RIMS2: variants seen among roughly 807,000 people sequenced by gnomAD.
The protein encoded by RIMS2 is regulating synaptic membrane exocytosis protein 2.
Under a neutral mutation model 174.4 loss-of-function variants are expected in RIMS2, and 59 were observed. The observed-to-expected ratio is 0.34, with a 90% CI of 0.27 to 0.42. The LOEUF (loss-of-function observed/expected upper bound fraction) is 0.42. Among genes scored for constraint, RIMS2 ranks in the 10% least tolerant of loss-of-function variants. The pLI, the probability that RIMS2 is intolerant of heterozygous loss-of-function variation, is 1.00. For synonymous variants in RIMS2, 606 were observed against 572.5 expected (o/e 1.06, Z -0.84); for missense variants, 1,620 against 1,666.3 (o/e 0.97, Z 0.48).
At chr8:104,078,119 ACAAGAG>A (rs1253253563) in intron 19 of RIMS2, among the ~76,000 whole-genome samples, 1 of 151,818 alleles carries the variant, frequency 6.6e-6, no homozygotes, top group African/African-American at 2.4e-5. Flanking sequence ...AACCTGGGCA[ACAAGAG>A]CAAGACTCCA....
chr8:103,924,248 A>G (rs959023236), intron 10 of RIMS2, among the ~76,000 whole-genome samples: 3 of 151,808 alleles, frequency 2.0e-5, no homozygotes, highest in African/African-American at 4.8e-5. Flanking sequence ...TTAAACTCCA[A>G]TCATCTACTT....
chr8:104,253,295 G>A (rs969760855), downstream of RIMS2: 3 of 152,054 alleles, frequency 2.0e-5, no homozygotes, highest in African/African-American at 4.8e-5. Context: ...ATCATTTAAA[G>A]CAATTTCTTT....
At chr8:104,000,029 T>C (rs929943999) in intron 17 of RIMS2, among the ~76,000 whole-genome samples, 1 of 151,814 alleles carries the variant, frequency 6.6e-6, no homozygotes, top group African/African-American at 2.4e-5. Flanking sequence ...TACATGTATA[T>C]GTAATATTTA....
chr8:104,193,841 C>A (rs2099010316), intron 19 of RIMS2, among the ~76,000 whole-genome samples: 1 of 152,120 alleles, frequency 6.6e-6, no homozygotes, highest in African/African-American at 2.4e-5. Flanking sequence ...GGGTTTCTAT[C>A]TTTATCCTTT....
chr8:103,605,402 CA>C (rs1270168097), intron 1 of RIMS2, among the ~76,000 whole-genome samples: 1 of 141,936 alleles, frequency 7.0e-6, no homozygotes, highest in Non-Finnish European at 1.5e-5. Context: ...TTCGTTTTGC[CA>C]GTATTTTATT....
In RIMS2 at chr8:104,112,457, G is replaced by A. The variant is rs80070936; in HGVS notation, c.3334+97842G>A. Among the ~76,000 whole-genome samples, 163 of 151,768 alleles carry A rather than the reference G, an allele frequency of 1.1e-3. 1 individual carries two copies. In the East Asian group the frequency reaches 0.021, roughly 19 times the overall value. On this transcript the variant is annotated intron_variant, in intron 19 of 23. Coordinates refer to ENST00000504942, the Ensembl canonical transcript of RIMS2. ...ATATTTCTATATAATACCTACATAC[G>A]TATATGATATATACATACATACATG...
At chr8:103,925,532 T>C (rs1240238542) in intron 10 of RIMS2, among the ~76,000 whole-genome samples, 2 of 151,572 alleles carry the variant, frequency 1.3e-5, no homozygotes, top group Admixed American at 6.6e-5. Flanking sequence ...GTGCAATTAA[T>C]AGTGGAAAGT....
At chr8:104,167,941 GT>G (rs1464663664) in intron 19 of RIMS2, among the ~76,000 whole-genome samples, 1 of 152,004 alleles carries the variant, frequency 6.6e-6, no homozygotes, top group Non-Finnish European at 1.5e-5. Flanking sequence ...CCCAATTTAT[GT>G]TTTTGTTTGT....
At chr8:104,122,694 G>A (rs1163049855) in intron 19 of RIMS2, among the ~76,000 whole-genome samples, 1 of 152,124 alleles carries the variant, frequency 6.6e-6, no homozygotes, top group Non-Finnish European at 1.5e-5. Context: ...ACTTAATCTG[G>A]TGAAAGGAAA....
At chr8:103,844,340 T>C (rs2098956722) in intron 3 of RIMS2, among the ~76,000 whole-genome samples, 1 of 152,224 alleles carries the variant, frequency 6.6e-6, no homozygotes, top group South Asian at 2.1e-4. Flanking sequence ...TAGTCCCTTG[T>C]ATTTTGAAAA....
At chr8:103,781,225 T>C (rs1402450835) in intron 3 of RIMS2, among the ~76,000 whole-genome samples, 1 of 152,154 alleles carries the variant, frequency 6.6e-6, no homozygotes, top group East Asian at 1.9e-4. Context: ...TCCACACACT[T>C]CGTGGTGGGC....
chr8:103,823,287 T>G (rs777861479), intron 3 of RIMS2, among the ~76,000 whole-genome samples: 1 of 151,796 alleles, frequency 6.6e-6, no homozygotes, highest in Non-Finnish European at 1.5e-5. Context: ...TATTTAAAAG[T>G]AAGAAAAGAA....
At chr8:103,866,445 C>T (rs1383568649) in intron 3 of RIMS2, among the ~76,000 whole-genome samples, 1 of 152,142 alleles carries the variant, frequency 6.6e-6, no homozygotes. Flanking sequence ...CTTCCTGTCA[C>T]TGCACAGGTA....
chr8:103,769,502 T>G (rs767634684), intron 3 of RIMS2, among the ~76,000 whole-genome samples: 13 of 152,132 alleles, frequency 8.5e-5, no homozygotes, highest in Non-Finnish European at 1.9e-4. Flanking sequence ...TTTTTTGTAT[T>G]TTTAGTAGAG....
intron 3 of RIMS2, among the ~76,000 whole-genome samples, chr8:103,825,044 A>G (rs1254105027): frequency 6.6e-6 from 1 of 152,106 alleles, no homozygotes; most frequent in African/African-American, 2.4e-5. Flanking sequence ...TTGCTGTCCT[A>G]TGAGCTCCTT....
At chr8:103,833,449 G>A (rs1262272919) in intron 3 of RIMS2, among the ~76,000 whole-genome samples, 2 of 151,648 alleles carry the variant, frequency 1.3e-5, no homozygotes, top group Non-Finnish European at 2.9e-5. Flanking sequence ...TAATAAGTTC[G>A]GCCATTGTTG....
At chr8:103,755,235 T>C (rs926278061) in intron 2 of RIMS2, among the ~76,000 whole-genome samples, 1 of 152,214 alleles carries the variant, frequency 6.6e-6, no homozygotes, top group African/African-American at 2.4e-5. Flanking sequence ...AATCTTTTCT[T>C]TATGAATGTT....
chr8:104,031,910 T>G (rs1453636507), intron 19 of RIMS2, among the ~76,000 whole-genome samples: 1 of 151,840 alleles, frequency 6.6e-6, no homozygotes, highest in African/African-American at 2.4e-5. Flanking sequence ...TCCATTTAGA[T>G]TAGTGTGGTA....
At chr8:103,514,008 C>T (rs1827815874) in intron 1 of RIMS2, among the ~76,000 whole-genome samples, 1 of 145,402 alleles carries the variant, frequency 6.9e-6, no homozygotes, top group South Asian at 2.2e-4. Context: ...CAGTGTTTCC[C>T]TATTGCCAGC....
Sources: allele counts gnomAD v4.1 joint callset (sites outside exome capture counted in the v4.1 genomes callset), GRCh38; gene constraint gnomAD v4.1.1; transcripts MANE v1.5; gene names NCBI Gene and HGNC (gene_info 2026-07-23, HGNC 2026-07-21).